TRABD2B: variants seen among roughly 807,000 people sequenced by gnomAD.
TRABD2B encodes the protein TraB domain containing 2B.
TRABD2B carries 14 observed loss-of-function variants against 40.1 expected under a neutral mutation model. That is an observed-to-expected ratio of 0.35 (90% confidence interval 0.23 to 0.55). The LOEUF (loss-of-function observed/expected upper bound fraction) is 0.55. Ranked by LOEUF, TRABD2B falls within the 20% of genes least tolerant of loss-of-function variation. The probability of loss-of-function intolerance (pLI) is 0.90; values close to 1 mark genes in which losing one functional copy is unlikely to be tolerated. For missense variants in TRABD2B, 541 were observed against 648.6 expected, an observed-to-expected ratio of 0.83 and a Z score of 1.80; for synonymous variants, 263 against 277.0, an observed-to-expected ratio of 0.95 and a Z score of 0.50.
intron 2 of TRABD2B, among the ~76,000 whole-genome samples, chr1:47,865,226 C>A (rs1039850036): frequency 5.3e-5 from 8 of 152,158 alleles, no homozygotes; most frequent in South Asian, 4.1e-4. Flanking sequence ...GGGCCCAGGC[C>A]TCCTCTCCGC....
intron 2 of TRABD2B, among the ~76,000 whole-genome samples, chr1:47,882,746 T>C (rs1226613261): frequency 6.6e-6 from 1 of 152,018 alleles, no homozygotes; most frequent in Non-Finnish European, 1.5e-5. Context: ...AGGGTCACAA[T>C]AACCTCCAAA....
intron 2 of TRABD2B, among the ~76,000 whole-genome samples, chr1:47,937,654 C>A (rs538295397): frequency 1.4e-4 from 21 of 148,820 alleles, no homozygotes; most frequent in Middle Eastern, 3.5e-3. Flanking sequence ...AAAAAAAAAA[C>A]AAGCTTCCTG....
At chr1:47,820,171 T>C (rs1645086934) in intron 2 of TRABD2B, 1 of 152,224 alleles carries the variant, frequency 6.6e-6, no homozygotes, top group Non-Finnish European at 1.5e-5. Context: ...AATGTTTGTT[T>C]TGTTCATTAG....
At chr1:47,928,812 C>A (rs1172202447) in intron 2 of TRABD2B, among the ~76,000 whole-genome samples, 1 of 152,194 alleles carries the variant, frequency 6.6e-6, no homozygotes, top group Non-Finnish European at 1.5e-5. Context: ...GGCTCACATC[C>A]CTCATTTTCA....
chr1:47,926,453 A>T (rs576043095), intron 2 of TRABD2B, among the ~76,000 whole-genome samples: 1 of 152,148 alleles, frequency 6.6e-6, no homozygotes, highest in East Asian at 1.9e-4. Flanking sequence ...TTGCTCCAGG[A>T]ATGAGTGCTT....
At chr1:47,849,916 C>T (rs1645524895) in intron 2 of TRABD2B, among the ~76,000 whole-genome samples, 1 of 152,224 alleles carries the variant, frequency 6.6e-6, no homozygotes, top group Admixed American at 6.5e-5. Context: ...CTTAACCTGG[C>T]ATTTCACAGG....
chr1:47,910,930 G>A (rs1286568179), intron 2 of TRABD2B, among the ~76,000 whole-genome samples: 5 of 152,162 alleles, frequency 3.3e-5, no homozygotes, highest in Admixed American at 2.6e-4. Flanking sequence ...GAGCAGGACC[G>A]ACGGGTCTAA....
intron 2 of TRABD2B, among the ~76,000 whole-genome samples, chr1:47,909,469 G>GGAA (rs1469241943): frequency 5.3e-5 from 5 of 94,614 alleles, no homozygotes; most frequent in Middle Eastern, 5.6e-3. Context: ...AAGGAGAAGG[G>GGAA]GAAGGAGAAG....
chr1:47,994,173 C>G lies in TRABD2B; in HGVS notation c.527G>C (p.Arg176Thr). The change falls in exon 2 of 7, where the codon AGG becomes ACG. Residue 176 changes from arginine to threonine, a missense_variant. Transcript: ENST00000606738. This position sits in a 1 kb window ranked among gnomAD's most constrained non-coding sequence, Gnocchi z 6.7. ...GGGCACACCACGGAAGCGCACGTCC[C>G]TCTCTGTGAGCGAGTTTACCATGAG... ...VMLMVNSLTE[R>T]DVRFRGVPVL... The G allele has an allele frequency of 6.5e-7, 1 of 1,538,308 alleles. No individual in the cohort carries two copies. Among genetic ancestry groups the G allele is most frequent in the Non-Finnish European group, 8.7e-7 (1 of 1,147,748 alleles).
At chr1:47,826,346 G>A (rs1645173628) in intron 2 of TRABD2B, among the ~76,000 whole-genome samples, 1 of 151,996 alleles carries the variant, frequency 6.6e-6, no homozygotes, top group South Asian at 2.1e-4. Context: ...GTGCAAATCT[G>A]GGGTCTCACT....
chr1:47,860,430 T>C lies in TRABD2B; in HGVS notation c.667-58811A>G, dbSNP rs1334179488. 2.8e-4 allele frequency among the ~76,000 whole-genome samples: 42 copies of C among 152,194 alleles called. 1 individual carries two copies. Among genetic ancestry groups the C allele is most frequent in the Non-Finnish European group, 2.9e-5 (2 of 68,034 alleles). On this transcript the variant is annotated intron_variant, in intron 2 of 6. Transcript: ENST00000606738. ...TCTTTGTCTCTTAATGAGTGTCTCC[T>C]GGCATAGGACTGTACACTCAGAAAA...
rs1371883014 is a variant in TRABD2B, at chr1:47,764,281, T to A, written c.*1621A>T. The A allele has an allele frequency of 6.6e-6, 1 of 152,218 alleles. No individual in the cohort carries two copies. The highest frequency in any genetic ancestry group is 1.5e-5 in the Non-Finnish European group (1 of 68,054). 9.4% of individuals were successfully genotyped at this position (152,218 alleles called of 1,614,324 possible). On this transcript the variant is annotated 3_prime_UTR_variant, in exon 7 of 7. Transcript: ENST00000606738. ...GAGAAGTGTCTCCTCTCTGTGGGCC[T>A]TATTATTCCTCCTACTGTTACTATT...
At chr1:47,978,935 T>C (rs1458296237) in intron 2 of TRABD2B, among the ~76,000 whole-genome samples, 1 of 152,144 alleles carries the variant, frequency 6.6e-6, no homozygotes, top group Admixed American at 6.5e-5. Flanking sequence ...AGCTGGGAAG[T>C]TTCCTCCAGT....
intron 4 of TRABD2B, among the ~76,000 whole-genome samples, chr1:47,779,932 A>G (rs759520870): frequency 6.6e-6 from 1 of 152,210 alleles, no homozygotes; most frequent in Non-Finnish European, 1.5e-5. Flanking sequence ...ATGCTCTGGC[A>G]GAGGAAGCCA....
At chr1:47,838,752 C>T (rs895832753) in intron 2 of TRABD2B, among the ~76,000 whole-genome samples, 5 of 152,186 alleles carry the variant, frequency 3.3e-5, no homozygotes, top group East Asian at 1.9e-4. Flanking sequence ...TGATGGCTGA[C>T]GCCCAGAAGA....
At chr1:47,916,661 C>T (rs1644833829) in intron 2 of TRABD2B, among the ~76,000 whole-genome samples, 1 of 152,236 alleles carries the variant, frequency 6.6e-6, no homozygotes, top group Non-Finnish European at 1.5e-5. Context: ...AGAAAATCCA[C>T]ACAGGTGGAG....
chr1:47,823,086 C>T (rs957657412), intron 2 of TRABD2B, among the ~76,000 whole-genome samples: 2 of 152,244 alleles, frequency 1.3e-5, no homozygotes, highest in Admixed American at 6.5e-5. Context: ...ATGGGGCCGG[C>T]CTGGCAGATC....
At chr1:47,949,354 T>C (rs1368730148) in intron 2 of TRABD2B, among the ~76,000 whole-genome samples, 3 of 151,868 alleles carry the variant, frequency 2.0e-5, no homozygotes, top group Non-Finnish European at 4.4e-5. Context: ...CCCAACTCTA[T>C]TGGCCTCTCC....
At chr1:47,822,068 A>G (rs1262967595) in intron 2 of TRABD2B, among the ~76,000 whole-genome samples, 1 of 151,970 alleles carries the variant, frequency 6.6e-6, no homozygotes, top group Non-Finnish European at 1.5e-5. Context: ...AAAACACACC[A>G]CTGACATCTT....
Sources: gnomAD v4.1 joint callset for allele counts (sites outside exome capture counted in the v4.1 genomes callset) on GRCh38, gnomAD v4.1.1 for gene constraint, Gnocchi (gnomAD v3.1) non-coding constraint, MANE v1.5 for transcripts, NCBI Gene and HGNC (gene_info 2026-07-23, HGNC 2026-07-21) for gene names.